Variants in PGPEP1L observed in about 807,000 individuals in gnomAD.
The protein encoded by PGPEP1L is pyroglutamyl-peptidase I like, also known as pyroglutamyl-peptidase 1-like protein.
Under a neutral mutation model 6.0 loss-of-function variants are expected in PGPEP1L, and 7 were observed. That is an observed-to-expected ratio of 1.17 (90% confidence interval 0.66 to 2.19). PGPEP1L has a LOEUF of 2.19. PGPEP1L is among the 30% of genes most tolerant of loss of function. The pLI is 0.00. For missense variants in PGPEP1L, 209 were observed against 192.5 expected (o/e 1.09, Z -0.51); for synonymous variants, 103 against 83.9 (o/e 1.23, Z -1.24).
In PGPEP1L at chr15:98,976,544, G is replaced by A. The variant is rs116120866; in HGVS notation, c.-141-5386C>T. On this transcript the variant is annotated intron_variant, in intron 2 of 4. Transcript: ENST00000535714. ...GTTTGCTGAAAATGTCTCAGGACTT[G>A]AGGTGTCCTGAAGAGAAATCATTAT... Among the ~76,000 whole-genome samples the A allele has an allele frequency of 3.3e-3, 501 of 152,324 alleles. 2 individuals carry two copies. The highest frequency in any genetic ancestry group is 0.011 in the African/African-American group (447 of 41,580).
chr15:98,986,458 G>C (rs2017748403), intron 2 of PGPEP1L, among the ~76,000 whole-genome samples: 1 of 152,228 alleles, frequency 6.6e-6, no homozygotes, highest in Non-Finnish European at 1.5e-5. Flanking sequence ...ATGAGTGTCT[G>C]GATGTTTCAG....
rs369687330 is a variant in PGPEP1L, at chr15:98,968,604, C to G, written c.303G>C (p.Pro101=). The part of the protein sequence containing the change: ...IHVPPLSRGL[P]ASLLGRALRV... Reference sequence around the variant, plus strand: ...TCAAGGCTCTTCCCAGCAGGCTGGCCGGGAGCCCGCGCGATAGTGGAGGGA... The same window carrying G: ...TCAAGGCTCTTCCCAGCAGGCTGGCGGGGAGCCCGCGCGATAGTGGAGGGA... The change falls in exon 5 of 5, where the codon CCG becomes CCC. Residue 101 remains proline (P), a synonymous_variant. Coordinates refer to ENST00000535714, the MANE Select transcript of PGPEP1L (RefSeq NM_001167902.2). 1.6e-4 allele frequency: 260 copies of G among 1,608,158 alleles called. No homozygotes were observed. Among genetic ancestry groups the G allele is most frequent in the African/African-American group, 1.2e-3 (88 of 75,022 alleles).
intron 2 of PGPEP1L, among the ~76,000 whole-genome samples, chr15:98,993,465 T>C (rs1271524418): frequency 6.6e-6 from 1 of 152,080 alleles, no homozygotes; most frequent in Admixed American, 6.6e-5. Context: ...TGGAGAGGAT[T>C]TGGAGAAATA....
chr15:99,001,528 G>A (rs1432535954), intron 2 of PGPEP1L, among the ~76,000 whole-genome samples: 8 of 152,112 alleles, frequency 5.3e-5, no homozygotes, highest in Non-Finnish European at 1.2e-4. Context: ...GCCACTGAAT[G>A]TTACTCGCTT....
At chr15:98,991,180 T>C (rs1448564141) in intron 2 of PGPEP1L, among the ~76,000 whole-genome samples, 1 of 152,038 alleles carries the variant, frequency 6.6e-6, no homozygotes, top group African/African-American at 2.4e-5. Flanking sequence ...CAGGAGCTGG[T>C]TTTTTGAAAA....
intron 2 of PGPEP1L, among the ~76,000 whole-genome samples, chr15:98,977,381 A>T (rs532816535): frequency 6.6e-6 from 1 of 152,328 alleles, no homozygotes; most frequent in African/African-American, 2.4e-5. Context: ...TCCCTCTGAT[A>T]TGTTTTAATT....
chr15:98,969,733 T>G, intron 3 of PGPEP1L, 82 bp from the exon 4 acceptor site: 1 of 1,416,546 alleles, frequency 7.1e-7, no homozygotes, highest in Non-Finnish European at 9.8e-7. Flanking sequence ...GGGCCACTCC[T>G]TTTGAGAGCC....
intron 2 of PGPEP1L, among the ~76,000 whole-genome samples, chr15:98,974,074 C>CA (rs2017534284): frequency 6.6e-6 from 1 of 152,132 alleles, no homozygotes; most frequent in South Asian, 2.1e-4. Flanking sequence ...TATAAACCAA[C>CA]AAATTGGAAA....
intron 2 of PGPEP1L, among the ~76,000 whole-genome samples, chr15:98,988,309 G>A (rs2017775792): frequency 1.3e-5 from 2 of 152,102 alleles, no homozygotes; most frequent in Admixed American, 6.5e-5. Context: ...TGGGGGGGAG[G>A]GGCGTCCACC....
At position 98,968,557 on chromosome 15, in the gene PGPEP1L, A is replaced by T; in HGVS notation, c.350T>A (p.Leu117Gln). Residue 117 changes from leucine (L) to glutamine (Q), a missense_variant, in exon 5 of 5, where the codon CTG (leucine) becomes CAG (glutamine). Leu to Gln is a moderately radical substitution (Grantham distance 113). Coordinates refer to ENST00000535714, the MANE Select transcript of PGPEP1L (RefSeq NM_001167902.2). ...GTGCTTGGGCTTTCCCACCTCTTCC[A>T]GCATTTCCTGGATGATGACTCTCAA... ...RALRVIIQEM[L>Q]EEVGKPKHRA... 1.3e-6 allele frequency: 2 copies of T among 1,593,386 alleles called. No homozygotes were observed.
rs782056052 is a variant in PGPEP1L, at chr15:99,007,709, A to C, written c.-720T>G. 1 of 152,226 alleles carries C rather than the reference A, an allele frequency of 6.6e-6. No individual in the cohort carries two copies. The highest frequency in any genetic ancestry group is 1.5e-5 in the Non-Finnish European group (1 of 68,052). The allele number at this position is 152,226 out of a possible 1,614,324, so 9.4% of individuals were successfully genotyped here. ...AGCTCATAAAGGCAGTGCGGACCCA[A>C]ACAGTAAGCAGCAGCAACGGTTATT... On this transcript the variant is annotated 5_prime_UTR_variant, in exon 1 of 5. Transcript: ENST00000535714.
chr15:98,984,861 G>C (rs763998888), intron 2 of PGPEP1L, among the ~76,000 whole-genome samples: 1 of 152,096 alleles, frequency 6.6e-6, no homozygotes, highest in Non-Finnish European at 1.5e-5. Flanking sequence ...ATGAAAGCTA[G>C]AGACTGATAG....
chr15:98,970,636 C>G (rs1375692677), intron 3 of PGPEP1L, among the ~76,000 whole-genome samples: 1 of 152,142 alleles, frequency 6.6e-6, no homozygotes, highest in East Asian at 1.9e-4. Context: ...TGGGCCTCCC[C>G]TAGGCTGGCC....
In PGPEP1L at chr15:98,971,133, T is replaced by C. The variant is rs780225491; in HGVS notation, c.-116A>G. ...AGTCCGCAGCTGCACCACTGTTTCA[T>C]TCCCCAGGCCCAGCTTGGAGAGCTC... On this transcript the variant is annotated 5_prime_UTR_variant, in exon 3 of 5. It removes an upstream start codon present in the reference 5' UTR. Transcript: ENST00000535714. 1.3e-6 allele frequency: 2 copies of C among 1,555,038 alleles called. No homozygotes were observed. Among genetic ancestry groups the C allele is most frequent in the Non-Finnish European group, 1.8e-6 (2 of 1,142,154 alleles).
intron 4 of PGPEP1L, 64 bp downstream of exon 4, chr15:98,969,361 G>T: frequency 6.3e-7 from 1 of 1,592,984 alleles, no homozygotes; most frequent in South Asian, 1.1e-5. Context: ...TGGAGGTCGG[G>T]GGGACGCTGA....
intron 2 of PGPEP1L, among the ~76,000 whole-genome samples, chr15:98,994,353 A>G (rs189245637): frequency 0.013 from 1,950 of 152,040 alleles, 55 homozygotes; most frequent in Admixed American, 0.06. Flanking sequence ...CTCTATTTAA[A>G]GCCTAACAAG....
At position 99,005,492 on chromosome 15, in the gene PGPEP1L, T is replaced by G. The variant is rs1433399525; in HGVS notation, c.-205A>C. ...ACGAAGTGGGAGCTCGCGCTGCGCC[T>G]CCCTGGCTCAGGCAGCGGCCCAGCG... is the stretch of plus-strand genomic sequence containing the variant. On this transcript the variant is annotated 5_prime_UTR_variant, in exon 2 of 5. Transcript: ENST00000535714. The G allele has an allele frequency of 1.3e-5, 2 of 152,448 alleles. No individual in the cohort carries two copies. Among genetic ancestry groups the G allele is most frequent in the Non-Finnish European group, 2.9e-5 (2 of 68,054 alleles). 9.4% of individuals were successfully genotyped at this position (152,448 alleles called of 1,614,324 possible).
At position 99,007,401 on chromosome 15, in the gene PGPEP1L, C is replaced by T. The variant is rs2018093855; in HGVS notation, c.-412G>A. 1 of 152,400 alleles carries T rather than the reference C, an allele frequency of 6.6e-6. No individual in the cohort carries two copies. The highest frequency in any genetic ancestry group is 6.5e-5 in the Admixed American group (1 of 15,286). 9.4% of individuals were successfully genotyped at this position (152,400 alleles called of 1,614,324 possible). The stretch of plus-strand genomic sequence containing the variant: ...TGTCCAGAATCGGCGGATTCTTGGT[C>T]TCACTGACTTCAAGAACGAAGCCGC... On this transcript the variant is annotated 5_prime_UTR_variant, in exon 1 of 5. Coordinates refer to ENST00000535714, the MANE Select transcript of PGPEP1L (RefSeq NM_001167902.2).
intron 2 of PGPEP1L, among the ~76,000 whole-genome samples, chr15:99,003,741 A>G (rs1445771580): frequency 6.8e-6 from 1 of 147,898 alleles, no homozygotes; most frequent in African/African-American, 2.6e-5. Context: ...CAGGTATTTC[A>G]TCAAACAATT....
Sources: gnomAD v4.1 joint callset for allele counts (sites outside exome capture counted in the v4.1 genomes callset) on GRCh38, gnomAD v4.1.1 for gene constraint, MANE v1.5 for transcripts, NCBI Gene and HGNC (gene_info 2026-07-23, HGNC 2026-07-21) for gene names.